The following AUTS2 variants were observed in gnomAD, a reference collection of about 807,000 sequenced individuals.
The protein encoded by AUTS2 is activator of transcription and developmental regulator AUTS2.
AUTS2 carries 17 observed loss-of-function variants against 112.4 expected under a neutral mutation model. The observed-to-expected ratio is 0.15, with a 90% CI of 0.10 to 0.23. The LOEUF (loss-of-function observed/expected upper bound fraction) is 0.23, where lower values mean the gene tolerates loss of function less well. Ranked by LOEUF, AUTS2 falls within the 10% of genes least tolerant of loss-of-function variation. AUTS2 has a pLI of 1.00. For missense variants in AUTS2, 1,510 were observed against 1,701.6 expected (o/e 0.89, Z 1.98); for synonymous variants, 751 against 702.7 (o/e 1.07, Z -1.09).
intron 3 of AUTS2, among the ~76,000 whole-genome samples, chr7:70,125,966 T>C (rs1805949006): frequency 1.3e-5 from 2 of 152,200 alleles, no homozygotes; most frequent in Non-Finnish European, 2.9e-5. Flanking sequence ...TTTAGTGATA[T>C]TTTTAGGAGC....
chr7:69,867,040 G>C (rs1238598372), intron 1 of AUTS2, among the ~76,000 whole-genome samples: 1 of 152,228 alleles, frequency 6.6e-6, no homozygotes, highest in Admixed American at 6.5e-5. Context: ...TCTTCTGCCA[G>C]CTTCAGCCTT....
intron 5 of AUTS2, among the ~76,000 whole-genome samples, chr7:70,462,676 G>T (rs753818747): frequency 1.3e-5 from 2 of 152,078 alleles, no homozygotes; most frequent in Non-Finnish European, 2.9e-5. Context: ...AAAAATCTAG[G>T]CTGGGTGCAG....
chr7:70,500,783 A>C (rs1321370151), intron 5 of AUTS2, among the ~76,000 whole-genome samples: 1 of 151,726 alleles, frequency 6.6e-6, no homozygotes, highest in African/African-American at 2.4e-5. Flanking sequence ...GTGCAGCAGC[A>C]TGATCTCGGC....
At chr7:70,353,044 C>T (rs186539358) in intron 4 of AUTS2, among the ~76,000 whole-genome samples, 17 of 152,300 alleles carry the variant, frequency 1.1e-4, no homozygotes, top group East Asian at 7.7e-4. Flanking sequence ...CACACATTCC[C>T]GCCAAACACT....
chr7:70,278,469 G>GC (rs1263591695), intron 4 of AUTS2, among the ~76,000 whole-genome samples: 6 of 152,084 alleles, frequency 3.9e-5, no homozygotes, highest in Non-Finnish European at 7.4e-5. Flanking sequence ...TGTGGTCCCA[G>GC]CTACTTGGGA....
At chr7:70,755,131 C>G (rs1316300893) in intron 6 of AUTS2, among the ~76,000 whole-genome samples, 1 of 152,152 alleles carries the variant, frequency 6.6e-6, no homozygotes, top group African/African-American at 2.4e-5. Flanking sequence ...TTAATATGCA[C>G]CATGTTCTGA....
At chr7:70,161,578 T>C (rs1482219251) in intron 4 of AUTS2, among the ~76,000 whole-genome samples, 1 of 149,698 alleles carries the variant, frequency 6.7e-6, no homozygotes, top group Non-Finnish European at 1.5e-5. Flanking sequence ...ACTTGGCAAC[T>C]AGATCGGTTA....
intron 1 of AUTS2, among the ~76,000 whole-genome samples, chr7:69,687,780 C>T (rs560429523): frequency 2.0e-5 from 3 of 152,300 alleles, no homozygotes; most frequent in African/African-American, 7.2e-5. Context: ...TTTACCAACC[C>T]TCTTAAACCT....
chr7:69,996,854 A>G (rs1461800893), intron 2 of AUTS2, among the ~76,000 whole-genome samples: 1 of 150,994 alleles, frequency 6.6e-6, no homozygotes, highest in Non-Finnish European at 1.5e-5. Flanking sequence ...TACACATTTT[A>G]TAACCCACTC....
intron 4 of AUTS2, among the ~76,000 whole-genome samples, chr7:70,174,204 A>G (rs1046671841): frequency 2.6e-5 from 4 of 152,228 alleles, no homozygotes; most frequent in African/African-American, 9.6e-5. Context: ...GAGAAATTTT[A>G]GGAGTCTTGA....
intron 2 of AUTS2, among the ~76,000 whole-genome samples, chr7:70,040,573 G>T (rs1012235302): frequency 2.5e-4 from 37 of 148,646 alleles, no homozygotes; most frequent in Non-Finnish European, 3.7e-4. Context: ...GGCCTATTAG[G>T]GCATGTTGGC....
At chr7:70,599,932 G>A (rs1315250535) in intron 5 of AUTS2, among the ~76,000 whole-genome samples, 1 of 152,166 alleles carries the variant, frequency 6.6e-6, no homozygotes, top group Non-Finnish European at 1.5e-5. Flanking sequence ...ACTGAAGTTG[G>A]GAGAAGCTCT....
intron 10 of AUTS2, among the ~76,000 whole-genome samples, chr7:70,770,303 T>C (rs566175381): frequency 6.6e-6 from 1 of 152,308 alleles, no homozygotes; most frequent in South Asian, 2.1e-4. Context: ...GCTGCATCAT[T>C]GAAGGGAGCA....
At chr7:70,704,428 TG>T in intron 6 of AUTS2, among the ~76,000 whole-genome samples, 1 of 152,240 alleles carries the variant, frequency 6.6e-6, no homozygotes, top group Non-Finnish European at 1.5e-5. Context: ...TGGTTACTTT[TG>T]AGCTCAGTGG....
intron 4 of AUTS2, among the ~76,000 whole-genome samples, chr7:70,349,143 A>G (rs1173553985): frequency 6.6e-6 from 1 of 152,178 alleles, no homozygotes; most frequent in Non-Finnish European, 1.5e-5. Flanking sequence ...AAGCTAAGTA[A>G]CTTGCCAAAG....
At chr7:70,225,422 A>G (rs4475377) in intron 4 of AUTS2, among the ~76,000 whole-genome samples, 34,157 of 152,078 alleles carry the variant, frequency 0.22, 3,804 homozygotes, top group Middle Eastern at 0.33. Flanking sequence ...TAGCATCTTG[A>G]TGGGTAGTCA....
At chr7:70,684,628 C>G (rs71549374) in intron 5 of AUTS2, among the ~76,000 whole-genome samples, 51 of 144,802 alleles carry the variant, frequency 3.5e-4, no homozygotes, top group African/African-American at 1.3e-3. Context: ...TATGGTGTGG[C>G]GTGGTATGGT....
chr7:70,570,151 G>A (rs957337542), intron 5 of AUTS2, among the ~76,000 whole-genome samples: 2 of 152,184 alleles, frequency 1.3e-5, no homozygotes, highest in African/African-American at 4.8e-5. Flanking sequence ...GAGTGCTCTG[G>A]CCATGACAGT....
intron 4 of AUTS2, among the ~76,000 whole-genome samples, chr7:70,145,133 G>A (rs951898896): frequency 2.6e-5 from 4 of 151,780 alleles, no homozygotes; most frequent in Non-Finnish European, 5.9e-5. Context: ...TTTGATTTAC[G>A]CTGGCTGAGT....
Sources: gnomAD v4.1 joint callset for allele counts (sites outside exome capture counted in the v4.1 genomes callset) on GRCh38, gnomAD v4.1.1 for gene constraint, MANE v1.5 for transcripts, NCBI Gene and HGNC (gene_info 2026-07-23, HGNC 2026-07-21) for gene names.